ACBD3: variants seen among roughly 807,000 people sequenced by gnomAD.
ACBD3 encodes the protein acyl-CoA binding domain containing 3.
A neutral mutation model predicts 66.9 loss-of-function variants in ACBD3; 30 were observed. That is an observed-to-expected ratio of 0.45 (90% confidence interval 0.34 to 0.61). ACBD3 has a LOEUF of 0.61. Ranked by LOEUF, ACBD3 falls within the 20% of genes least tolerant of loss-of-function variation. The pLI is 0.02. For missense variants in ACBD3, 544 were observed against 664.5 expected (o/e 0.82, Z 1.99); for synonymous variants, 278 against 259.8 (o/e 1.07, Z -0.68).
intron 1 of ACBD3, among the ~76,000 whole-genome samples, chr1:226,175,804 C>A (rs931558648): frequency 5.9e-5 from 9 of 152,064 alleles, no homozygotes; most frequent in African/African-American, 2.2e-4. Context: ...ATGTTGTAGT[C>A]CAATTTCACC....
intron 6 of ACBD3, among the ~76,000 whole-genome samples, chr1:226,153,381 C>T (rs1479710135): frequency 6.6e-6 from 1 of 152,192 alleles, no homozygotes; most frequent in Non-Finnish European, 1.5e-5. Flanking sequence ...AACCAAATTT[C>T]TTATGAACCA....
chr1:226,177,984 T>G (rs1369291321), intron 1 of ACBD3, among the ~76,000 whole-genome samples: 1 of 150,710 alleles, frequency 6.6e-6, no homozygotes, highest in African/African-American at 2.4e-5. Flanking sequence ...CTGAGCTCAG[T>G]GATCCACCTG....
chr1:226,169,238 G>GT (rs955466997), intron 1 of ACBD3, among the ~76,000 whole-genome samples: 67 of 111,880 alleles, frequency 6.0e-4, no homozygotes, highest in Non-Finnish European at 1.2e-3. Flanking sequence ...GATTTAGAGA[G>GT]TTTTTTTTTA....
Position 226,146,618 on chromosome 1 carries a change from T to C in ACBD3, c.1579A>G (p.Thr527Ala), listed in dbSNP as rs1347130312. 1.9e-6 allele frequency: 3 copies of C among 1,613,670 alleles called. No individual in the cohort carries two copies. The highest frequency in any genetic ancestry group is 3.3e-5 in the Admixed American group (2 of 59,946). ...SKSVYYRVYY[T>A]R ...ACTTTGTAACAACATTTTTATCTAGTATAATAGACTCTGTAGTAGACTGAT... is the reference window on the plus strand; with the variant it reads ...ACTTTGTAACAACATTTTTATCTAGCATAATAGACTCTGTAGTAGACTGAT... Residue 527 changes from threonine to alanine, a missense_variant, in exon 8 of 8, where the codon ACT becomes GCT. By Grantham distance (58) the Thr-to-Ala change is moderately conservative. Transcript: ENST00000366812.
In ACBD3 at chr1:226,146,619, A is replaced by G. The variant is rs1659457162; in HGVS notation, c.1578T>C (p.Tyr526=). The part of the protein sequence containing the change: ...RSKSVYYRVY[Y]TR ...CTTTGTAACAACATTTTTATCTAGT[A>G]TAATAGACTCTGTAGTAGACTGATT... The change falls in exon 8 of 8, where the codon TAT becomes TAC. Residue 526 remains tyrosine, a synonymous_variant. Coordinates refer to ENST00000366812, the MANE Select transcript of ACBD3 (RefSeq NM_022735.4). 2 of 1,613,810 alleles carry G rather than the reference A, an allele frequency of 1.2e-6. No homozygotes were observed. Among genetic ancestry groups the G allele is most frequent in the Non-Finnish European group, 1.7e-6 (2 of 1,179,840 alleles).
At chr1:226,149,377 C>A (rs75421564) in intron 7 of ACBD3, among the ~76,000 whole-genome samples, 2 of 151,640 alleles carry the variant, frequency 1.3e-5, no homozygotes, top group Non-Finnish European at 2.9e-5. Flanking sequence ...CAGGCATGTG[C>A]CACCATGCCT....
At chr1:226,169,700 T>C (rs1431610360) in intron 1 of ACBD3, among the ~76,000 whole-genome samples, 1 of 74,138 alleles carries the variant, frequency 1.3e-5, no homozygotes, top group African/African-American at 5.5e-5. Context: ...GTGAGCCGAG[T>C]TTTTGTTTTT....
At chr1:226,152,679 C>T (rs1659600792) in intron 6 of ACBD3, 60 bp from the exon 7 acceptor site, 2 of 1,506,402 alleles carry the variant, frequency 1.3e-6, no homozygotes, top group Non-Finnish European at 1.8e-6. Context: ...CAGGTAGCCA[C>T]ATTTTCATAG....
At chr1:226,164,123 A>C (rs953834990) in intron 3 of ACBD3, among the ~76,000 whole-genome samples, 1,711 of 140,078 alleles carry the variant, frequency 0.012, 6 homozygotes, top group African/African-American at 0.025. Context: ...TCTTAAAAAA[A>C]AAAAAAAAAA....
intron 1 of ACBD3, among the ~76,000 whole-genome samples, chr1:226,171,534 A>ATATT (rs992643483): frequency 6.6e-6 from 1 of 151,826 alleles, no homozygotes; most frequent in East Asian, 1.9e-4. Context: ...CTTAAAAAGT[A>ATATT]TATTTATTTA....
chr1:226,185,025 A>G (rs1366312629), intron 1 of ACBD3, among the ~76,000 whole-genome samples: 2 of 152,144 alleles, frequency 1.3e-5, no homozygotes, highest in East Asian at 3.8e-4. Flanking sequence ...TTACTGAAAA[A>G]TAAGTTCCAA....
intron 1 of ACBD3, among the ~76,000 whole-genome samples, chr1:226,172,187 G>C (rs895126758): frequency 3.5e-5 from 3 of 85,394 alleles, no homozygotes; most frequent in African/African-American, 1.2e-4. Flanking sequence ...TACATTTTCA[G>C]TGCTAGTCCT....
At chr1:226,150,920 T>A (rs903745578) in intron 7 of ACBD3, among the ~76,000 whole-genome samples, 1 of 152,260 alleles carries the variant, frequency 6.6e-6, no homozygotes, top group East Asian at 1.9e-4. Context: ...TCTGGGATAC[T>A]CTGATGGTTC....
At chr1:226,172,985 G>T (rs567211577) in intron 1 of ACBD3, among the ~76,000 whole-genome samples, 1 of 151,910 alleles carries the variant, frequency 6.6e-6, no homozygotes, top group Non-Finnish European at 1.5e-5. Context: ...AACAAACCCA[G>T]CTGGGCCTGG....
chr1:226,177,856 C>T (rs1465467852), intron 1 of ACBD3, among the ~76,000 whole-genome samples: 1 of 152,048 alleles, frequency 6.6e-6, no homozygotes, highest in Non-Finnish European at 1.5e-5. Context: ...GATTCTCCCA[C>T]CTCAGCCTCC....
In ACBD3 at chr1:226,152,481, T is replaced by C. The variant is rs1210716506; in HGVS notation, c.1229A>G (p.His410Arg). 51 of 1,614,082 alleles carry C rather than the reference T, an allele frequency of 3.2e-5. No individual in the cohort carries two copies. Among genetic ancestry groups the C allele is most frequent in the Non-Finnish European group, 4.3e-5 (51 of 1,180,036 alleles). ...CCAAAAGAGATATGATCCTTCTTCA[T>C]GGGTGGGTACTCGAACAGTGACCAC... ...GEVVTVRVPT[H>R]EEGSYLFWEF... Residue 410 changes from histidine (H) to arginine (R), a missense_variant, in exon 7 of 8, where the codon CAT becomes CGT. This residue lies in a region of ACBD3 where 383 missense variants were observed against 462.4 expected (regional missense o/e 0.83). Coordinates refer to ENST00000366812, the MANE Select transcript of ACBD3 (RefSeq NM_022735.4).
At chr1:226,161,394 G>A in intron 4 of ACBD3, 137 bp downstream of exon 4, 3 of 1,175,872 alleles carry the variant, frequency 2.6e-6, no homozygotes, top group Non-Finnish European at 3.6e-6. Flanking sequence ...CCAACCTCAG[G>A]TGATCTGCCC....
At chr1:226,152,134 G>T (rs1659587683) in intron 7 of ACBD3, among the ~76,000 whole-genome samples, 1 of 152,158 alleles carries the variant, frequency 6.6e-6, no homozygotes, top group Non-Finnish European at 1.5e-5. Flanking sequence ...CTGGCATTCA[G>T]AAAAATTCAG....
intron 7 of ACBD3, among the ~76,000 whole-genome samples, chr1:226,151,679 AG>A (rs1200199171): frequency 1.3e-5 from 2 of 152,242 alleles, no homozygotes; most frequent in Non-Finnish European, 2.9e-5. Context: ...AATAAATGCC[AG>A]GGTTGACAGG....
Sources: allele counts gnomAD v4.1 joint callset (sites outside exome capture counted in the v4.1 genomes callset), GRCh38; gene constraint gnomAD v4.1.1; regional missense constraint gnomAD v4.1.1; transcripts MANE v1.5; gene names NCBI Gene and HGNC (gene_info 2026-07-23, HGNC 2026-07-21).